Variants in BTBD16 observed in about 807,000 individuals in gnomAD.
BTBD16 encodes BTB/POZ domain-containing protein 16.
In BTBD16, 66 loss-of-function variants were observed where a neutral mutation model predicts 67.4. The observed-to-expected ratio is 0.98, with a 90% CI of 0.80 to 1.20. The LOEUF (loss-of-function observed/expected upper bound fraction) is 1.20, where lower values mean the gene tolerates loss of function less well. BTBD16 is among the 50% of genes most tolerant of loss of function. The probability of loss-of-function intolerance (pLI) is 0.00; values close to 1 mark genes in which losing one functional copy is unlikely to be tolerated. For missense variants in BTBD16, 634 were observed against 616.0 expected (o/e 1.03, Z -0.31); for synonymous variants, 242 against 236.4 (o/e 1.02, Z -0.22).
intron 3 of BTBD16, among the ~76,000 whole-genome samples, chr10:122,283,377 G>A (rs1053811132): frequency 6.6e-6 from 1 of 152,218 alleles, no homozygotes. Context: ...ATGAGAATCC[G>A]AGTGAGCAGG....
At chr10:122,317,740 C>A (rs555827984) in intron 10 of BTBD16, among the ~76,000 whole-genome samples, 5 of 152,220 alleles carry the variant, frequency 3.3e-5, no homozygotes, top group African/African-American at 1.2e-4. Context: ...AGGGTCAGGA[C>A]CATCAATGTC....
chr10:122,321,497 C>T (rs566073885), intron 10 of BTBD16, among the ~76,000 whole-genome samples: 43 of 152,332 alleles, frequency 2.8e-4, no homozygotes, highest in African/African-American at 8.9e-4. Context: ...GTTCCCTTTT[C>T]TCCACAGCCT....
intron 9 of BTBD16, among the ~76,000 whole-genome samples, chr10:122,304,550 C>CTTTTTTT (rs3037891): frequency 1.0e-5 from 1 of 95,468 alleles, no homozygotes; most frequent in African/African-American, 4.3e-5. Flanking sequence ...AGCAGGTATT[C>CTTTTTTT]TTTTTTTTTT....
intron 2 of BTBD16, among the ~76,000 whole-genome samples, 156 bp downstream of exon 2, chr10:122,275,255 C>T (rs541663118): frequency 3.3e-5 from 5 of 152,144 alleles, no homozygotes; most frequent in East Asian, 1.9e-4. Flanking sequence ...CAGGCAGCAC[C>T]GTCCAGAGGG....
At chr10:122,275,199 G>C in intron 2 of BTBD16, 100 bp downstream of exon 2, 1 of 1,162,574 alleles carries the variant, frequency 8.6e-7, no homozygotes, top group Non-Finnish European at 1.3e-6. Flanking sequence ...CTGCACCACC[G>C]AGGACCTCAA....
At chr10:122,329,319 C>T (rs994716950) in intron 10 of BTBD16, 161 bp from the exon 11 acceptor site, 4 of 167,432 alleles carry the variant, frequency 2.4e-5, no homozygotes, top group Non-Finnish European at 3.7e-5. Context: ...TCTAAGCCAC[C>T]ATCTGCTTCC....
chr10:122,287,240 A>G (rs2096365624), intron 5 of BTBD16, among the ~76,000 whole-genome samples: 1 of 152,238 alleles, frequency 6.6e-6, no homozygotes, highest in Non-Finnish European at 1.5e-5. Flanking sequence ...TTCAAGGGCC[A>G]GACTGGGCTC....
At chr10:122,334,291 G>C (rs1002998387) in intron 13 of BTBD16, among the ~76,000 whole-genome samples, 1 of 150,344 alleles carries the variant, frequency 6.7e-6, no homozygotes, top group African/African-American at 2.5e-5. Context: ...TGCCTCCTGG[G>C]TTCATGCTAT....
intron 4 of BTBD16, 78 bp from the exon 5 acceptor site, chr10:122,286,027 C>A: frequency 7.2e-7 from 1 of 1,390,334 alleles, no homozygotes; most frequent in South Asian, 1.3e-5. Flanking sequence ...AGCAAAGGAG[C>A]TGGGGGAGAG....
chr10:122,296,874 C>T (rs767568473), intron 7 of BTBD16, among the ~76,000 whole-genome samples: 45 of 152,356 alleles, frequency 3.0e-4, no homozygotes, highest in Middle Eastern at 3.4e-3. Context: ...TGTTAAACAA[C>T]GGCACTGCAG....
chr10:122,285,788 G>T (rs1423609672), intron 4 of BTBD16, among the ~76,000 whole-genome samples: 2 of 152,138 alleles, frequency 1.3e-5, no homozygotes, highest in African/African-American at 4.8e-5. Flanking sequence ...CTCGTTCCAT[G>T]AAGCTTTTCC....
At chr10:122,335,001 G>A in intron 14 of BTBD16, 22 bp downstream of exon 14, 1 of 1,166,798 alleles carries the variant, frequency 8.6e-7, no homozygotes, top group Non-Finnish European at 1.2e-6. Context: ...GTGCATGAAA[G>A]TTATGTCTCT....
At chr10:122,287,723 T>C (rs1688105909) in intron 5 of BTBD16, among the ~76,000 whole-genome samples, 2 of 152,242 alleles carry the variant, frequency 1.3e-5, no homozygotes, top group Admixed American at 6.5e-5. Flanking sequence ...CTGGAACTTC[T>C]GGCCAGACCC....
intron 13 of BTBD16, 157 bp from the exon 14 acceptor site, chr10:122,334,724 A>C (rs2096460819): frequency 7.3e-6 from 1 of 136,234 alleles, no homozygotes. Flanking sequence ...GTTTTGCCAC[A>C]TTGGCCAGGC....
chr10:122,274,860 AAAC>A (rs1329176710), intron 1 of BTBD16, among the ~76,000 whole-genome samples, 177 bp from the exon 2 acceptor site: 1 of 152,198 alleles, frequency 6.6e-6, no homozygotes, highest in Non-Finnish European at 1.5e-5. Context: ...AAAAAACAAA[AAAC>A]AAAACCAAAC....
intron 7 of BTBD16, 121 bp from the exon 8 acceptor site, chr10:122,297,647 G>A (rs1590065227): frequency 1.9e-5 from 20 of 1,060,162 alleles, no homozygotes; most frequent in South Asian, 1.5e-4. Context: ...CCCCTAAAGC[G>A]AGGCTCCCTT....
At chr10:122,329,378 A>T in intron 10 of BTBD16, 102 bp from the exon 11 acceptor site, 1 of 1,077,408 alleles carries the variant, frequency 9.3e-7, no homozygotes, top group Non-Finnish European at 1.4e-6. Context: ...CCCCCTGGCT[A>T]GTGAAGCCAC....
At chr10:122,335,689 T>G (rs1316275997) in intron 14 of BTBD16, among the ~76,000 whole-genome samples, 1 of 152,150 alleles carries the variant, frequency 6.6e-6, no homozygotes, top group African/African-American at 2.4e-5. Flanking sequence ...TTAGGGAAGA[T>G]GAGGATGATG....
intron 5 of BTBD16, among the ~76,000 whole-genome samples, chr10:122,286,702 T>C (rs2096364463): frequency 6.6e-6 from 1 of 152,180 alleles, no homozygotes; most frequent in South Asian, 2.1e-4. Flanking sequence ...GAGGCCCACA[T>C]GTGTGCATCT....
Sources: gnomAD v4.1 joint callset for allele counts (sites outside exome capture counted in the v4.1 genomes callset) on GRCh38, gnomAD v4.1.1 for gene constraint, MANE v1.5 for transcripts, NCBI Gene and HGNC (gene_info 2026-07-23, HGNC 2026-07-21) for gene names.